MYO1H: variants seen among roughly 807,000 people sequenced by gnomAD.
The protein encoded by MYO1H is myosin IH.
In MYO1H, 118 loss-of-function variants were observed where a neutral mutation model predicts 149.3. That is an observed-to-expected ratio of 0.79 (90% confidence interval 0.68 to 0.92). MYO1H has a LOEUF of 0.92. Ranked by LOEUF, MYO1H falls within the 40% of genes least tolerant of loss-of-function variation. MYO1H has a pLI of 0.00. For missense variants in MYO1H, 1,212 were observed against 1,280.7 expected, an observed-to-expected ratio of 0.95 and a Z score of 0.82; for synonymous variants, 447 against 465.2, an observed-to-expected ratio of 0.96 and a Z score of 0.50.
chr12:109,330,486 C>G, the MYO1H span, among the ~76,000 whole-genome samples: 1 of 152,156 alleles, frequency 6.6e-6, no homozygotes, highest in African/African-American at 2.4e-5. Context: ...AAGGAACTTC[C>G]CACTTCCTCA....
chr12:109,320,303 G>A, the MYO1H span, among the ~76,000 whole-genome samples: 1 of 151,766 alleles, frequency 6.6e-6, no homozygotes, highest in South Asian at 2.1e-4. Context: ...GACAGAGCAA[G>A]ACCCTGTCTC....
At chr12:109,318,972 G>GTTTTTGTTTTTTTTTTTTTTTTTTT in the MYO1H span, among the ~76,000 whole-genome samples, 5 of 77,258 alleles carry the variant, frequency 6.5e-5, no homozygotes, top group Non-Finnish European at 1.0e-4. Flanking sequence ...TTTTGGTTTT[G>GTTTTTGTTTTTTTTTTTTTTTTTTT]TTTTTTTTTT....
the MYO1H span, among the ~76,000 whole-genome samples, chr12:109,334,980 G>A: frequency 1.3e-5 from 2 of 152,098 alleles, no homozygotes; most frequent in South Asian, 4.1e-4. Context: ...AATCTATTCT[G>A]TCTCTACAGA....
intron 15 of MYO1H, among the ~76,000 whole-genome samples, chr12:109,420,530 AG>A (rs1639363398): frequency 6.6e-6 from 1 of 152,104 alleles, no homozygotes; most frequent in Admixed American, 6.6e-5. Flanking sequence ...AATAGAGTGA[AG>A]GGGGAAGTGC....
At position 109,415,740 on chromosome 12, in the gene MYO1H, G is replaced by A. The variant is rs894910814; in HGVS notation, c.1597+120G>A. On this transcript the variant is annotated intron_variant, in intron 15 of 31. Coordinates refer to ENST00000310903, the Ensembl canonical transcript of MYO1H. Reference sequence around the variant, plus strand: ...CATCCCAAACGTTCCCTAACCTCGCGTTCAAGCCATTTGAAAAAGTCTTTC... The same window carrying A: ...CATCCCAAACGTTCCCTAACCTCGCATTCAAGCCATTTGAAAAAGTCTTTC... 1.9e-4 allele frequency: 104 copies of A among 558,618 alleles called. 1 individual carries two copies. The highest frequency in any genetic ancestry group is 1.3e-3 in the African/African-American group (66 of 52,572). The allele number at this position is 558,618 out of a possible 1,614,324, so 34.6% of individuals were successfully genotyped here.
intron 1 of MYO1H, chr12:109,354,568 C>T (rs1324815460): frequency 1.3e-5 from 2 of 150,416 alleles, no homozygotes; most frequent in African/African-American, 2.5e-5. Context: ...TGCAGTGAGC[C>T]GAGATCACGC....
intron 1 of MYO1H, among the ~76,000 whole-genome samples, chr12:109,365,888 T>C (rs1868856129): frequency 6.6e-6 from 1 of 151,954 alleles, no homozygotes. Flanking sequence ...AGGAGATGAG[T>C]GGTGGGTGAG....
chr12:109,370,804 C>G (rs1868965637), intron 1 of MYO1H, among the ~76,000 whole-genome samples: 1 of 152,138 alleles, frequency 6.6e-6, no homozygotes. Flanking sequence ...CTGCTGAGCA[C>G]CAATTATGTG....
chr12:109,434,705 C>G (rs1036488145), intron 20 of MYO1H, among the ~76,000 whole-genome samples: 3 of 152,194 alleles, frequency 2.0e-5, no homozygotes, highest in Non-Finnish European at 4.4e-5. Flanking sequence ...GTTGGCAGGG[C>G]CACATTCCTG....
At chr12:109,325,671 A>G in the MYO1H span, among the ~76,000 whole-genome samples, 2 of 152,226 alleles carry the variant, frequency 1.3e-5, no homozygotes. Context: ...AAATTTTGCA[A>G]TCTATCCATC....
chr12:109,320,795 AAAG>A, the MYO1H span, among the ~76,000 whole-genome samples: 1 of 152,160 alleles, frequency 6.6e-6, no homozygotes, highest in Non-Finnish European at 1.5e-5. Flanking sequence ...AGGACTTGTT[AAAG>A]AAGATCCTCG....
chr12:109,411,848 A>T, intron 13 of MYO1H, 46 bp from the exon 14 acceptor site: 1 of 1,377,140 alleles, frequency 7.3e-7, no homozygotes, highest in South Asian at 1.3e-5. Context: ...CTTGGCATTG[A>T]TGGAGTGTGG....
Position 109,426,051 on chromosome 12 carries a change from A to G in MYO1H, c.1831A>G (p.Ser611Gly), listed in dbSNP as rs562871412. The G allele has an allele frequency of 8.5e-5, 137 of 1,610,098 alleles. No homozygotes were observed. In the East Asian group the frequency reaches 2.9e-3, roughly 34 times the overall value. Reference sequence around the variant, plus strand: ...CAAGCCCAACGACAGGAAAGAACCCAGTGAGTTGTGGATCATTATGAACTG... The same window carrying G: ...CAAGCCCAACGACAGGAAAGAACCCGGTGAGTTGTGGATCATTATGAACTG... Residue 611 changes from serine (S) to glycine (G), a missense_variant and splice_region_variant, in exon 18 of 32, where the codon AGC becomes GGC. Physicochemically the swap from Ser to Gly is moderately conservative, Grantham distance 56 (BLOSUM62 0). Coordinates refer to ENST00000310903, the Ensembl canonical transcript of MYO1H.
intron 1 of MYO1H, among the ~76,000 whole-genome samples, chr12:109,351,979 A>G (rs1480164906): frequency 6.6e-6 from 1 of 152,038 alleles, no homozygotes; most frequent in African/African-American, 2.4e-5. Context: ...CTTCCACGCT[A>G]TTTTCTAGAC....
the MYO1H span, among the ~76,000 whole-genome samples, chr12:109,332,380 G>A: frequency 6.6e-6 from 1 of 152,126 alleles, no homozygotes; most frequent in South Asian, 2.1e-4. Context: ...CGGGCTTGTG[G>A]CATTTTGGAT....
intron 1 of MYO1H, among the ~76,000 whole-genome samples, chr12:109,370,745 T>G (rs188509874): frequency 2.6e-5 from 4 of 152,342 alleles, no homozygotes; most frequent in Admixed American, 2.0e-4. Context: ...TTCTCTAGAT[T>G]ATTTCAAATC....
intron 5 of MYO1H, 67 bp from the exon 6 acceptor site, chr12:109,401,026 T>C (rs1187857989): frequency 4.2e-6 from 6 of 1,430,382 alleles, no homozygotes; most frequent in Non-Finnish European, 5.8e-6. Flanking sequence ...CTTCGGGCCA[T>C]CAGGAGATGC....
At chr12:109,336,986 G>C in the MYO1H span, among the ~76,000 whole-genome samples, 3 of 152,110 alleles carry the variant, frequency 2.0e-5, no homozygotes, top group Non-Finnish European at 2.9e-5. Flanking sequence ...AAGGAGGGAG[G>C]CTGATGGGCA....
intron 15 of MYO1H, among the ~76,000 whole-genome samples, chr12:109,418,076 A>G (rs1210129197): frequency 1.3e-5 from 2 of 151,992 alleles, no homozygotes; most frequent in African/African-American, 4.8e-5. Context: ...TCGGCCTCCC[A>G]AAGTTCTGGG....
Sources: gnomAD v4.1 joint callset for allele counts (sites outside exome capture counted in the v4.1 genomes callset) on GRCh38, gnomAD v4.1.1 for gene constraint, MANE v1.5 for transcripts, NCBI Gene and HGNC (gene_info 2026-07-23, HGNC 2026-07-21) for gene names.